Variants in CFTR observed in about 807,000 individuals in gnomAD.
The protein encoded by CFTR is CF transmembrane conductance regulator.
A neutral mutation model predicts 171.6 loss-of-function variants in CFTR; 181 were observed. The observed-to-expected ratio is 1.05, with a 90% CI of 0.93 to 1.19. The LOEUF is 1.19. CFTR is among the 50% of genes most tolerant of loss of function. The probability of loss-of-function intolerance (pLI) is 0.00; values close to 1 mark genes in which losing one functional copy is unlikely to be tolerated. For missense variants in CFTR, 1,968 were observed against 1,734.7 expected, an observed-to-expected ratio of 1.13 and a Z score of -2.39; for synonymous variants, 583 against 608.0, an observed-to-expected ratio of 0.96 and a Z score of 0.60.
chr7:117,537,489 C>G (rs1001059101), intron 7 of CFTR, among the ~76,000 whole-genome samples: 2 of 152,004 alleles, frequency 1.3e-5, no homozygotes, highest in African/African-American at 2.4e-5. Context: ...GTTCAAGGAA[C>G]AAATAATTTC....
At chr7:117,492,076 G>A (rs944451311) in intron 1 of CFTR, among the ~76,000 whole-genome samples, 2 of 152,012 alleles carry the variant, frequency 1.3e-5, no homozygotes, top group African/African-American at 4.8e-5. Context: ...CTCTTGAGAG[G>A]ACTGAAGAAT....
chr7:117,497,357 C>T (rs1798255675), intron 1 of CFTR, among the ~76,000 whole-genome samples: 1 of 152,076 alleles, frequency 6.6e-6, no homozygotes, highest in Non-Finnish European at 1.5e-5. Flanking sequence ...AATTCTGGTG[C>T]TTTGAAAATT....
At chr7:117,488,667 G>A (rs905591153) in intron 1 of CFTR, among the ~76,000 whole-genome samples, 1 of 152,054 alleles carries the variant, frequency 6.6e-6, no homozygotes, top group Non-Finnish European at 1.5e-5. Context: ...TTTTCCATGG[G>A]ACCGCAGTGT....
In CFTR at chr7:117,611,723, A is replaced by G. The variant is rs757727766; in HGVS notation, c.3282A>G (p.Ser1094=). 5.0e-6 allele frequency: 8 copies of G among 1,613,506 alleles called. No homozygotes were observed. The highest frequency in any genetic ancestry group is 6.8e-6 in the Non-Finnish European group (8 of 1,179,758). ...LHTANWFLYL[S]TLRWFQMRIE... is the part of the protein sequence containing the mutation. ...CTGCCAACTGGTTCTTGTACCTGTC[A>G]ACACTGCGCTGGTTCCAAATGAGAA... The change falls in exon 20 of 27, where the codon TCA becomes TCG. Residue 1094 remains serine, a synonymous_variant. Coordinates refer to ENST00000003084, the MANE Select transcript of CFTR (RefSeq NM_000492.4).
In CFTR at chr7:117,531,020, T is replaced by C. The variant is rs1295588114; in HGVS notation, c.395T>C (p.Ile132Thr). ...YLGIGLCLLF[I>T]VRTLLLHPAI... Reference sequence around the variant, plus strand: ...GGCATAGGCTTATGCCTTCTCTTTATTGTGAGGACACTGCTCCTACACCCA... The same window carrying C: ...GGCATAGGCTTATGCCTTCTCTTTACTGTGAGGACACTGCTCCTACACCCA... Residue 132 changes from isoleucine to threonine, a missense_variant, in exon 4 of 27, where the codon ATT becomes ACT. Ile to Thr is a moderately conservative substitution (Grantham distance 89). Coordinates refer to ENST00000003084, the MANE Select transcript of CFTR (RefSeq NM_000492.4). The C allele has an allele frequency of 6.2e-7, 1 of 1,613,830 alleles. No individual in the cohort carries two copies. The highest frequency in any genetic ancestry group is 1.1e-5 in the South Asian group (1 of 91,072).
chr7:117,545,030 G>A (rs1264283747), intron 9 of CFTR, among the ~76,000 whole-genome samples: 1 of 152,210 alleles, frequency 6.6e-6, no homozygotes, highest in Non-Finnish European at 1.5e-5. Context: ...TGCTGATAAA[G>A]ACATACCCAA....
chr7:117,570,475 A>G (rs1179326029), intron 11 of CFTR, among the ~76,000 whole-genome samples: 1 of 152,132 alleles, frequency 6.6e-6, no homozygotes, highest in African/African-American at 2.4e-5. Context: ...ATTTTCATCT[A>G]TTGTCAATAT....
At chr7:117,508,275 A>G (rs1182867016) in intron 2 of CFTR, among the ~76,000 whole-genome samples, 2 of 152,222 alleles carry the variant, frequency 1.3e-5, no homozygotes, top group African/African-American at 2.4e-5. Flanking sequence ...TGTGAAGAGA[A>G]AAAAGGCTTT....
intron 10 of CFTR, among the ~76,000 whole-genome samples, chr7:117,557,100 A>G (rs1159370090): frequency 1.3e-5 from 2 of 152,042 alleles, no homozygotes; most frequent in African/African-American, 2.4e-5. Context: ...TTAGCTGTAT[A>G]TTATGTATTC....
intron 22 of CFTR, among the ~76,000 whole-genome samples, chr7:117,636,852 C>A (rs1345462145): frequency 1.3e-5 from 2 of 150,386 alleles, no homozygotes; most frequent in African/African-American, 4.9e-5. Context: ...TGGAGTCTCA[C>A]TGTTGCCCAG....
chr7:117,573,807 T>A (rs1280666237), intron 11 of CFTR, among the ~76,000 whole-genome samples: 1 of 152,086 alleles, frequency 6.6e-6, no homozygotes, highest in Non-Finnish European at 1.5e-5. Context: ...AAGACTAAGG[T>A]TTTCATTGTT....
intron 24 of CFTR, among the ~76,000 whole-genome samples, chr7:117,653,309 C>A (rs1274443614): frequency 6.6e-6 from 1 of 152,170 alleles, no homozygotes; most frequent in South Asian, 2.1e-4. Context: ...CTATCTTGGT[C>A]CATTTAGGCT....
intron 22 of CFTR, among the ~76,000 whole-genome samples, chr7:117,636,336 T>C (rs1379690207): frequency 3.9e-5 from 6 of 152,192 alleles, no homozygotes; most frequent in Non-Finnish European, 7.4e-5. Flanking sequence ...ATGATATGCC[T>C]TTCTTTTTGA....
At chr7:117,490,354 C>CACACACACAA (rs767133170) in intron 1 of CFTR, among the ~76,000 whole-genome samples, 1 of 146,056 alleles carries the variant, frequency 6.8e-6, no homozygotes, top group African/African-American at 2.7e-5. Context: ...CACACACACA[C>CACACACACAA]AATTTATTAT....
chr7:117,601,428 G>T (rs993309992), intron 15 of CFTR, among the ~76,000 whole-genome samples: 3 of 152,028 alleles, frequency 2.0e-5, no homozygotes, highest in African/African-American at 7.2e-5. Context: ...TATACTATCT[G>T]ATATGTGAAT....
intron 4 of CFTR, 52 bp from the exon 5 acceptor site, chr7:117,534,224 T>C (rs1798909241): frequency 1.2e-6 from 1 of 818,776 alleles, no homozygotes; most frequent in Non-Finnish European, 2.1e-6. Context: ...TTACTTATAA[T>C]ATATTTGTAT....
chr7:117,664,651 A>G (rs761881273), intron 24 of CFTR, 37 bp from the exon 25 acceptor site: 1 of 1,592,902 alleles, frequency 6.3e-7, no homozygotes, highest in Non-Finnish European at 8.6e-7. Flanking sequence ...GAGTGTTTTT[A>G]ACTCTGTGGT....
In CFTR at chr7:117,611,599, C is replaced by T. The variant is rs140883683; in HGVS notation, c.3158C>T (p.Thr1053Ile). Residue 1053 changes from threonine to isoleucine, a missense_variant, in exon 20 of 27, where the codon ACT becomes ATT. By Grantham distance (89) the Thr-to-Ile change is moderately conservative. Transcript: ENST00000003084. ...LESEGRSPIF[T>I]HLVTSLKGLW... ...TTCACAGGCAGGAGTCCAATTTTCA[C>T]TCATCTTGTTACAAGCTTAAAAGGA... is the stretch of plus-strand genomic sequence containing the variant. 39 of 1,610,028 alleles carry T rather than the reference C, an allele frequency of 2.4e-5. No homozygotes were observed. Among genetic ancestry groups the T allele is most frequent in the Non-Finnish European group, 3.1e-5 (37 of 1,176,762 alleles).
intron 11 of CFTR, among the ~76,000 whole-genome samples, chr7:117,567,125 G>A (rs200727181): frequency 1.9e-4 from 29 of 152,258 alleles, no homozygotes; most frequent in African/African-American, 6.5e-4. Flanking sequence ...AAAGATAAAA[G>A]CCATACTGTA....
Sources: allele counts gnomAD v4.1 joint callset (sites outside exome capture counted in the v4.1 genomes callset), GRCh38; gene constraint gnomAD v4.1.1; transcripts MANE v1.5; gene names NCBI Gene and HGNC (gene_info 2026-07-23, HGNC 2026-07-21).